Variants in SEPTIN1 observed in about 807,000 individuals in gnomAD.
SEPTIN1 encodes the protein septin 1.
SEPTIN1 carries 52 observed loss-of-function variants against 50.7 expected under a neutral mutation model. The ratio of observed to expected loss-of-function variants is 1.03; its 90% CI spans 0.82 to 1.29. SEPTIN1 has a LOEUF of 1.29. Ranked by LOEUF, SEPTIN1 falls within the 50% of genes most tolerant of loss-of-function variation. The pLI, the probability that SEPTIN1 is intolerant of heterozygous loss-of-function variation, is 0.00. For missense variants in SEPTIN1, 455 were observed against 490.7 expected (o/e 0.93, Z 0.69); for synonymous variants, 204 against 189.1 (o/e 1.08, Z -0.65).
chr16:30,381,117 T>G lies in SEPTIN1; in HGVS notation c.573+10A>C, dbSNP rs1247359880. On this transcript the variant is annotated intron_variant, in intron 6 of 10. Coordinates refer to ENST00000321367, the MANE Select transcript of SEPTIN1 (RefSeq NM_001365977.2). This position sits in a 1 kb window ranked among gnomAD's most constrained non-coding sequence, Gnocchi z 4.3. ...ACATGGGGTCAAAGGTCAGAGGTCA[T>G]CACTCACACCTTCTGCTTGAGGGCC... The G allele has an allele frequency of 1.3e-6, 2 of 1,599,708 alleles. No individual in the cohort carries two copies. Among genetic ancestry groups the G allele is most frequent in the Non-Finnish European group, 1.7e-6 (2 of 1,166,892 alleles).
chr16:30,381,215 C>T lies in SEPTIN1; in HGVS notation c.485G>A (p.Arg162Gln), dbSNP rs959407820. 30 of 1,613,840 alleles carry T rather than the reference C, an allele frequency of 1.9e-5. No homozygotes were observed. Among genetic ancestry groups the T allele is most frequent in the East Asian group, 1.8e-4 (8 of 44,894 alleles). Residue 162 changes from arginine to glutamine, a missense_variant, in exon 6 of 11, where the codon CGG becomes CAG. By Grantham distance (43) the Arg-to-Gln change is conservative. Coordinates refer to ENST00000321367, the MANE Select transcript of SEPTIN1 (RefSeq NM_001365977.2). The surrounding 1 kb of genome is among the most constrained non-coding windows in gnomAD (Gnocchi z 4.3). ...GLRPLDVAFL[R>Q]AVHEKVNIIP... ...GATGTTGACTTTCTCGTGTACTGCC[C>T]GGAGGAAGGCCACATCTAGGGGCCG... is the stretch of plus-strand genomic sequence containing the variant.
Position 30,381,065 on chromosome 16 carries a change from G to T in SEPTIN1, c.573+62C>A. On this transcript the variant is annotated intron_variant, in intron 6 of 10. Transcript: ENST00000321367. The surrounding 1 kb of genome is among the most constrained non-coding windows in gnomAD (Gnocchi z 4.3). The stretch of plus-strand genomic sequence containing the variant: ...GAAAGGCCACTTCAAGATCAAAGAA[G>T]TCTAAGCTGAAATCAGGTTTGGCTT... 7.6e-7 allele frequency: 1 copy of T among 1,307,222 alleles called. No homozygotes were observed. Among genetic ancestry groups the T allele is most frequent in the Non-Finnish European group, 1.1e-6 (1 of 900,088 alleles). The allele number at this position is 1,307,222 out of a possible 1,614,324, so 81.0% of individuals were successfully genotyped here.
In SEPTIN1 at chr16:30,378,460, G is replaced by A. The variant is rs1299487687; in HGVS notation, c.1093C>T (p.Gln365Ter). The A allele has an allele frequency of 3.8e-6, 6 of 1,575,584 alleles. No homozygotes were observed. The highest frequency in any genetic ancestry group is 2.7e-5 in the African/African-American group (2 of 72,962). Residue 365 changes from glutamine to a stop codon, truncating the protein, a stop_gained, in exon 11 of 11, where the codon CAG becomes TAG. Coordinates refer to ENST00000321367, the MANE Select transcript of SEPTIN1 (RefSeq NM_001365977.2). LOFTEE classifies it high-confidence loss of function. ...CAGAGGGCGTCTGACTGCTCGCCCTGGGCCTGGCTCTGCTGCATTTGGGCC... is the reference window on the plus strand; with the variant it reads ...CAGAGGGCGTCTGACTGCTCGCCCTAGGCCTGGCTCTGCTGCATTTGGGCC... ...MQAQMQQSQA[Q>*]GEQSDAL is the part of the protein sequence containing the mutation.
Position 30,379,477 on chromosome 16 carries a change from G to A in SEPTIN1, c.733C>T (p.Arg245Trp), listed in dbSNP as rs765469218. ...SCEVVRDGGN[R>W]PVRGRRYSWG... ...GAGTAGCGGCGTCCCCTCACCGGCC[G>A]GTTCCCGCCATCCCTCACCACCTCG... The change falls in exon 8 of 11, where the codon CGG (arginine) becomes TGG (tryptophan). Residue 245 changes from arginine to tryptophan, a missense_variant. Coordinates refer to ENST00000321367, the MANE Select transcript of SEPTIN1 (RefSeq NM_001365977.2). 19 of 1,613,790 alleles carry A rather than the reference G, an allele frequency of 1.2e-5. No individual in the cohort carries two copies. Among genetic ancestry groups the A allele is most frequent in the Non-Finnish European group, 1.5e-5 (18 of 1,179,950 alleles).
upstream of SEPTIN1, chr16:30,382,731 G>T (rs780061738): frequency 1.3e-6 from 2 of 1,536,112 alleles, no homozygotes; most frequent in African/African-American, 1.4e-5. This position sits in a 1 kb window ranked among gnomAD's most constrained non-coding sequence, Gnocchi z 4.8. Context: ...ACCTGTCTAC[G>T]TACCTTCAAC....
rs71149011 is a variant in SEPTIN1 at position 30,379,640 on chromosome 16, CTTTT to C, written c.676-110_676-107del. ...CCTCCTCTGCTTCCTGCCCCTTCCT[CTTTT>C]TTTTTTTTTTTTTTTTTTTTTTGAG... On this transcript the variant is annotated intron_variant, in intron 7 of 10. Coordinates refer to ENST00000321367, the MANE Select transcript of SEPTIN1 (RefSeq NM_001365977.2). The C allele has an allele frequency of 6.9e-3, 1,639 of 238,962 alleles. 3 individuals are homozygous for C. The highest frequency in any genetic ancestry group is 0.017 in the African/African-American group (466 of 27,008). The allele number at this position is 238,962 out of a possible 1,614,324, so 14.8% of individuals were successfully genotyped here. A position where few individuals can be genotyped will look rare whatever the true frequency, so the allele number is the denominator to read the frequency against.
Position 30,382,414 on chromosome 16 carries a change from GTCCCCAGGA to G in SEPTIN1, c.19-58_19-50del, listed in dbSNP as rs1191396258. The G allele has an allele frequency of 6.4e-7, 1 of 1,571,218 alleles. No individual in the cohort carries two copies. Among genetic ancestry groups the G allele is most frequent in the Admixed American group, 1.7e-5 (1 of 57,876 alleles). The stretch of plus-strand genomic sequence containing the variant: ...GAGGCTGCTGGCAATGGCAGGCAGG[GTCCCCAGGA>G]TCACTTGAGTTCCTGGGCTAGGAAG... On this transcript the variant is annotated intron_variant, in intron 1 of 10. Transcript: ENST00000321367. The surrounding 1 kb of genome is among the most constrained non-coding windows in gnomAD (Gnocchi z 4.8).
At chr16:30,378,581 G>A (rs757557744) in intron 10 of SEPTIN1, 29 bp downstream of exon 10, 3 of 1,609,852 alleles carry the variant, frequency 1.9e-6, no homozygotes, top group African/African-American at 2.7e-5. Flanking sequence ...CTGGGGCATC[G>A]GTCGGGGGGA....
Position 30,378,405 on chromosome 16 carries a change from G to A in SEPTIN1, c.*29C>T. On this transcript the variant is annotated 3_prime_UTR_variant, in exon 11 of 11. Coordinates refer to ENST00000321367, the MANE Select transcript of SEPTIN1 (RefSeq NM_001365977.2). ...GGACAAGAGGCCGACTGAAGGCGGAGCCGAGGTAAGGCCGGGCGGGGCGTG... is the reference window on the plus strand; with the variant it reads ...GGACAAGAGGCCGACTGAAGGCGGAACCGAGGTAAGGCCGGGCGGGGCGTG... 2 of 1,538,092 alleles carry A rather than the reference G, an allele frequency of 1.3e-6. No homozygotes were observed. Among genetic ancestry groups the A allele is most frequent in the South Asian group, 1.2e-5 (1 of 84,084 alleles).
Position 30,382,293 on chromosome 16 carries a change from A to C in SEPTIN1, c.91T>G (p.Phe31Val). 1 of 1,613,896 alleles carries C rather than the reference A, an allele frequency of 6.2e-7. No homozygotes were observed. The highest frequency in any genetic ancestry group is 8.5e-7 in the Non-Finnish European group (1 of 1,179,850). ...HRKSVKKGFD[F>V]TLMVAGESGL... ...CCCAGACCTGCCACCATTAGCGTGA[A>C]GTCAAACCCCTTCTTGACAGACTTG... Residue 31 changes from phenylalanine to valine, a missense_variant, in exon 2 of 11, where the codon TTC (phenylalanine) becomes GTC (valine). By Grantham distance (50) the Phe-to-Val change is conservative. Coordinates refer to ENST00000321367, the MANE Select transcript of SEPTIN1 (RefSeq NM_001365977.2). This position sits in a 1 kb window ranked among gnomAD's most constrained non-coding sequence, Gnocchi z 4.8.
At position 30,381,014 on chromosome 16, in the gene SEPTIN1, A is replaced by G; in HGVS notation, c.573+113T>C. On this transcript the variant is annotated intron_variant, in intron 6 of 10. Coordinates refer to ENST00000321367, the MANE Select transcript of SEPTIN1 (RefSeq NM_001365977.2). This position sits in a 1 kb window ranked among gnomAD's most constrained non-coding sequence, Gnocchi z 4.3. The stretch of plus-strand genomic sequence containing the variant: ...CGCCTTCCTCAGAAGCTTCTCCTAC[A>G]ATCTAGCCTGATGCACCATGCTCCA... 1.1e-6 allele frequency: 1 copy of G among 879,018 alleles called. No individual in the cohort carries two copies. Among genetic ancestry groups the G allele is most frequent in the Non-Finnish European group, 1.9e-6 (1 of 526,946 alleles). 54.5% of individuals were successfully genotyped at this position (879,018 alleles called of 1,614,324 possible). A position where few individuals can be genotyped will look rare whatever the true frequency, so the allele number is the denominator to read the frequency against.
At position 30,378,422 on chromosome 16, in the gene SEPTIN1, C is replaced by A. The variant is rs141091881; in HGVS notation, c.*12G>T. ...AAGGCGGAGCCGAGGTAAGGCCGGG[C>A]GGGGCGTGGCCTCAGAGGGCGTCTG... is the stretch of plus-strand genomic sequence containing the variant. On this transcript the variant is annotated 3_prime_UTR_variant, in exon 11 of 11. Coordinates refer to ENST00000321367, the MANE Select transcript of SEPTIN1 (RefSeq NM_001365977.2). 4.2e-3 allele frequency: 6,575 copies of A among 1,558,556 alleles called. 73 individuals are homozygous for A. Among genetic ancestry groups the A allele is most frequent in the Middle Eastern group, 0.02 (98 of 4,962 alleles).
intron 7 of SEPTIN1, 151 bp from the exon 8 acceptor site, chr16:30,379,685 A>G: frequency 1.9e-6 from 1 of 533,840 alleles, no homozygotes; most frequent in Non-Finnish European, 3.1e-6. Flanking sequence ...GTCTCACTCC[A>G]TTGCCCAGGC....
chr16:30,379,243 T>TA (rs1185225516), intron 8 of SEPTIN1, 60 bp from the exon 9 acceptor site: 1 of 1,597,478 alleles, frequency 6.3e-7, no homozygotes, highest in African/African-American at 1.3e-5. Flanking sequence ...AACCCACCCG[T>TA]AAGGGTCGGG....
At chr16:30,379,244 A>G in intron 8 of SEPTIN1, 61 bp from the exon 9 acceptor site, 1 of 1,596,020 alleles carries the variant, frequency 6.3e-7, no homozygotes, top group African/African-American at 1.3e-5. Flanking sequence ...ACCCACCCGT[A>G]AGGGTCGGGT....
chr16:30,378,346 CGGG>C lies in SEPTIN1; in HGVS notation c.*85_*87del, dbSNP rs988503603. ...GCGAGGGCGGCACCCGCGGAGGTCC[CGGG>C]GGGCGCTGGGCAGTGTGGGGCGCGG... On this transcript the variant is annotated 3_prime_UTR_variant, in exon 11 of 11. Transcript: ENST00000321367. The C allele has an allele frequency of 1.3e-5, 17 of 1,294,642 alleles. No individual in the cohort carries two copies. The highest frequency in any genetic ancestry group is 1.8e-5 in the Non-Finnish European group (17 of 961,408). 80.2% of individuals were successfully genotyped at this position (1,294,642 alleles called of 1,614,324 possible).
Position 30,378,297 on chromosome 16 carries a change from T to A in SEPTIN1, c.*137A>T. On this transcript the variant is annotated 3_prime_UTR_variant, in exon 11 of 11. Transcript: ENST00000321367. ...CCGGGGCGGGGCTACGGACTCAGGCTGGGAGAACCTCCCCCTAGCCCGCGC... is the reference window on the plus strand; with the variant it reads ...CCGGGGCGGGGCTACGGACTCAGGCAGGGAGAACCTCCCCCTAGCCCGCGC... 1.2e-6 allele frequency: 1 copy of A among 844,438 alleles called. No homozygotes were observed. The highest frequency in any genetic ancestry group is 1.8e-6 in the Non-Finnish European group (1 of 555,156). 52.3% of individuals were successfully genotyped at this position (844,438 alleles called of 1,614,324 possible). A position where few individuals can be genotyped will look rare whatever the true frequency, so the allele number is the denominator to read the frequency against.
intron 9 of SEPTIN1, 141 bp downstream of exon 9, chr16:30,378,877 A>ACGGGGAGG: frequency 4.2e-6 from 1 of 239,004 alleles, no homozygotes; most frequent in South Asian, 4.4e-5. Context: ...AGACGGAGAG[A>ACGGGGAGG]GGGAGGGAGG....
Position 30,378,286 on chromosome 16 carries a change from C to A in SEPTIN1, c.*148G>T. 1 of 784,786 alleles carries A rather than the reference C, an allele frequency of 1.3e-6. No homozygotes were observed. Among genetic ancestry groups the A allele is most frequent in the Non-Finnish European group, 2.0e-6 (1 of 499,802 alleles). 48.6% of individuals were successfully genotyped at this position (784,786 alleles called of 1,614,324 possible). ...CGGGACCAGCGCCGGGGCGGGGCTA[C>A]GGACTCAGGCTGGGAGAACCTCCCC... On this transcript the variant is annotated 3_prime_UTR_variant, in exon 11 of 11. Transcript: ENST00000321367.
Sources: allele counts gnomAD v4.1 joint callset, GRCh38; gene constraint gnomAD v4.1.1; non-coding constraint Gnocchi (gnomAD v3.1); transcripts MANE v1.5; gene names NCBI Gene and HGNC (gene_info 2026-07-23, HGNC 2026-07-21).